CPA5: variants seen among roughly 807,000 people sequenced by gnomAD.
The protein encoded by CPA5 is testicular tissue protein Li 32.
A neutral mutation model predicts 52.2 loss-of-function variants in CPA5; 38 were observed. That is an observed-to-expected ratio of 0.73 (90% confidence interval 0.56 to 0.95). The LOEUF (loss-of-function observed/expected upper bound fraction) is 0.95. Ranked by LOEUF, CPA5 falls within the 40% of genes least tolerant of loss-of-function variation. CPA5 has a pLI of 0.00. For synonymous variants in CPA5, 198 were observed against 213.7 expected, an observed-to-expected ratio of 0.93 and a Z score of 0.64; for missense variants, 519 against 566.7, an observed-to-expected ratio of 0.92 and a Z score of 0.86.
intron 6 of CPA5, 145 bp from the exon 7 acceptor site, chr7:130,360,998 A>T: frequency 1.7e-6 from 1 of 601,588 alleles, no homozygotes; most frequent in Non-Finnish European, 3.0e-6. Flanking sequence ...GCAATTCTTT[A>T]TCTGGGTTCT....
intron 5 of CPA5, among the ~76,000 whole-genome samples, chr7:130,356,937 T>C (rs180755737): frequency 6.6e-6 from 1 of 152,316 alleles, no homozygotes; most frequent in African/African-American, 2.4e-5. Flanking sequence ...CTGGCACACA[T>C]TGGTCATGGT....
chr7:130,362,758 G>C (rs939810979), intron 8 of CPA5, 126 bp from the exon 9 acceptor site: 1 of 664,642 alleles, frequency 1.5e-6, no homozygotes, highest in African/African-American at 1.8e-5. Flanking sequence ...CTTTGGTTCT[G>C]CATAAAAGAT....
downstream of CPA5, among the ~76,000 whole-genome samples, chr7:130,369,625 TTGTG>T (rs1412243016): frequency 2.0e-5 from 3 of 151,912 alleles, no homozygotes; most frequent in Non-Finnish European, 2.9e-5. Flanking sequence ...GTGTGTGTGT[TTGTG>T]TGTGTGCGTG....
chr7:130,352,150 C>G (rs901199736), intron 5 of CPA5, among the ~76,000 whole-genome samples: 1 of 152,054 alleles, frequency 6.6e-6, no homozygotes, highest in Non-Finnish European at 1.5e-5. Flanking sequence ...CTGGTTTTTA[C>G]TTTGGCCAGA....
At chr7:130,347,940 G>C in intron 4 of CPA5, 93 bp downstream of exon 4, 1 of 948,576 alleles carries the variant, frequency 1.1e-6, no homozygotes, top group Non-Finnish European at 1.6e-6. Flanking sequence ...TCCCAAACCT[G>C]CCCTCCTGAG....
rs782665703 is a variant in CPA5 at position 130,367,914 on chromosome 7, T to C, written c.1047T>C (p.Leu349=). ...CCAATGTCATCTTGCAGTACGATCT[T>C]GCCAAGGATGCGGTGGAGGCCTTGT... The part of the protein sequence containing the change: ...PVSNQRELYD[L]AKDAVEALYK... Residue 349 remains leucine, a synonymous_variant, in exon 12 of 13, where the codon CTT becomes CTC. Coordinates refer to ENST00000474905, the MANE Select transcript of CPA5 (RefSeq NM_080385.5). The C allele has an allele frequency of 6.2e-7, 1 of 1,614,194 alleles. No homozygotes were observed. The highest frequency in any genetic ancestry group is 2.2e-5 in the East Asian group (1 of 44,878).
At chr7:130,357,952 C>CTGTGTGTGTGTGTGTGTG (rs60840017) in intron 5 of CPA5, among the ~76,000 whole-genome samples, 13 of 140,024 alleles carry the variant, frequency 9.3e-5, no homozygotes, top group Admixed American at 2.2e-4. Flanking sequence ...TTTTGTGCCT[C>CTGTGTGTGTGTGTGTGTG]TGTGTGTGTG....
intron 3 of CPA5, among the ~76,000 whole-genome samples, 185 bp from the exon 4 acceptor site, chr7:130,347,581 C>A (rs1014115146): frequency 4.6e-5 from 7 of 152,170 alleles, no homozygotes; most frequent in African/African-American, 1.7e-4. Flanking sequence ...GGACCATGTG[C>A]TTCTCAGAGC....
chr7:130,373,231 C>G (rs937026806), downstream of CPA5, among the ~76,000 whole-genome samples: 12 of 151,776 alleles, frequency 7.9e-5, no homozygotes, highest in African/African-American at 2.7e-4. Flanking sequence ...CCCCCATTTT[C>G]TGAAGTATAT....
In CPA5 at chr7:130,350,046, A is replaced by G; in HGVS notation, c.270A>G (p.Lys90=). The change falls in exon 5 of 13, where the codon AAA becomes AAG. Residue 90 remains lysine, a synonymous_variant. Coordinates refer to ENST00000474905, the MANE Select transcript of CPA5 (RefSeq NM_080385.5). ...TGAGAGTTCCTTTCTCTGAACTGAA[A>G]GACATCAAAGCTTATCTGGAGTCTC... ...VDMRVPFSEL[K]DIKAYLESHG... 6.2e-7 allele frequency: 1 copy of G among 1,614,086 alleles called. No individual in the cohort carries two copies. The highest frequency in any genetic ancestry group is 8.5e-7 in the Non-Finnish European group (1 of 1,179,982).
intron 12 of CPA5, among the ~76,000 whole-genome samples, chr7:130,368,203 G>A (rs924466410): frequency 2.6e-5 from 4 of 152,242 alleles, no homozygotes; most frequent in African/African-American, 7.2e-5. Context: ...CTAGTAGCCT[G>A]CAGGAGCTTT....
intron 8 of CPA5, 60 bp downstream of exon 8, chr7:130,362,599 A>T: frequency 1.6e-6 from 2 of 1,260,272 alleles, no homozygotes; most frequent in Non-Finnish European, 2.3e-6. Flanking sequence ...GGGGGCAGGA[A>T]CTTACTATTT....
intron 5 of CPA5, among the ~76,000 whole-genome samples, chr7:130,356,865 T>G (rs1171483527): frequency 3.9e-5 from 6 of 152,254 alleles, no homozygotes; most frequent in African/African-American, 1.4e-4. Context: ...TCCTCACAGC[T>G]GGCAGGCTGC....
At chr7:130,362,397 T>C in intron 7 of CPA5, 41 bp from the exon 8 acceptor site, 1 of 1,460,808 alleles carries the variant, frequency 6.8e-7, no homozygotes, top group East Asian at 2.3e-5. Flanking sequence ...AGTAGCTGTC[T>C]GAGTTCAAAC....
chr7:130,363,464 T>G lies in CPA5; in HGVS notation c.793T>G (p.Cys265Gly). ...CAAGTCCATCAGACCTGGAATCTTC[T>G]GCATCGGCGTGGATCTCAACAGGAA... ...KNKSIRPGIF[C>G]IGVDLNRNWK... Residue 265 changes from cysteine (C) to glycine (G), a missense_variant, in exon 10 of 13, where the codon TGC (cysteine) becomes GGC (glycine). Cys to Gly is a radical substitution (Grantham distance 159). Coordinates refer to ENST00000474905, the MANE Select transcript of CPA5 (RefSeq NM_080385.5). 2 of 1,585,230 alleles carry G rather than the reference T, an allele frequency of 1.3e-6. No individual in the cohort carries two copies.
chr7:130,361,266 C>G, intron 7 of CPA5, 22 bp downstream of exon 7: 1 of 1,508,916 alleles, frequency 6.6e-7, no homozygotes, highest in East Asian at 2.3e-5. Flanking sequence ...CAATGTCAAC[C>G]TGTAGACTCT....
chr7:130,368,371 T>C, intron 12 of CPA5, 39 bp from the exon 13 acceptor site: 1 of 1,602,634 alleles, frequency 6.2e-7, no homozygotes, highest in Non-Finnish European at 8.5e-7. Flanking sequence ...CATCCCCTTC[T>C]TCCTTTTGTG....
In CPA5 at chr7:130,367,929, G is replaced by A; in HGVS notation, c.1062G>A (p.Val354=). 2 of 1,614,192 alleles carry A rather than the reference G, an allele frequency of 1.2e-6. No individual in the cohort carries two copies. Among genetic ancestry groups the A allele is most frequent in the South Asian group, 1.1e-5 (1 of 91,086 alleles). ...AGTACGATCTTGCCAAGGATGCGGT[G>A]GAGGCCTTGTATAAGGTCCATGGGA... ...RELYDLAKDA[V]EALYKVHGIE... is the part of the protein sequence containing the mutation. The change falls in exon 12 of 13, where the codon GTG becomes GTA. Residue 354 remains valine, a synonymous_variant. Transcript: ENST00000474905.
In CPA5 at chr7:130,368,508, C is replaced by T; in HGVS notation, c.1222C>T (p.Leu408=). 6.2e-7 allele frequency: 1 copy of T among 1,614,176 alleles called. No individual in the cohort carries two copies. Among genetic ancestry groups the T allele is most frequent in the African/African-American group, 1.3e-5 (1 of 75,038 alleles). Residue 408 remains leucine (L), a synonymous_variant, in exon 13 of 13, where the codon CTG becomes TTG. Transcript: ENST00000474905. ...LRDTGQYGFL[L]PATQIIPTAQ... is the part of the protein sequence containing the mutation. ...GGACACTGGGCAGTATGGCTTCCTG[C>T]TGCCGGCCACACAGATCATCCCCAC...
Sources: allele counts gnomAD v4.1 joint callset (sites outside exome capture counted in the v4.1 genomes callset), GRCh38; gene constraint gnomAD v4.1.1; transcripts MANE v1.5; gene names NCBI Gene and HGNC (gene_info 2026-07-23, HGNC 2026-07-21).